Variants in FBXW2 observed in about 807,000 individuals in gnomAD.
FBXW2 encodes F-box and WD repeat domain containing 2.
In FBXW2, 12 loss-of-function variants were observed where a neutral mutation model predicts 46.0. The ratio of observed to expected loss-of-function variants is 0.26; its 90% confidence interval spans 0.17 to 0.42. The LOEUF is 0.42. Ranked by LOEUF, FBXW2 falls within the 10% of genes least tolerant of loss-of-function variation. The probability of loss-of-function intolerance (pLI) is 1.00; values close to 1 mark genes in which losing one functional copy is unlikely to be tolerated. For missense variants in FBXW2, 360 were observed against 537.0 expected (o/e 0.67, Z 3.26); for synonymous variants, 203 against 209.6 (o/e 0.97, Z 0.27).
At chr9:120,789,309 C>T (rs1490687326) in intron 2 of FBXW2, among the ~76,000 whole-genome samples, 1 of 152,160 alleles carries the variant, frequency 6.6e-6, no homozygotes, top group African/African-American at 2.4e-5. Context: ...TGTGTCTACC[C>T]GTTAGACCAT....
In FBXW2 at chr9:120,771,345, T is replaced by C. The variant is rs769333986; in HGVS notation, c.1076+3A>G. The C allele has an allele frequency of 1.3e-5, 21 of 1,607,810 alleles. No individual in the cohort carries two copies. The East Asian group carries it at 3.6e-4, about 27-fold the overall frequency. On this transcript the variant is annotated splice_donor_region_variant and intron_variant, in intron 7 of 7. Coordinates refer to ENST00000608872, the MANE Select transcript of FBXW2 (RefSeq NM_012164.4). Reference sequence around the variant, plus strand: ...TAAAGCGTGAGGTCGAAGGAAACATTACCTGAGAATATCATAACTGGCAAA... The same window carrying C: ...TAAAGCGTGAGGTCGAAGGAAACATCACCTGAGAATATCATAACTGGCAAA...
intron 3 of FBXW2, among the ~76,000 whole-genome samples, chr9:120,787,012 A>G (rs1461475357): frequency 1.3e-5 from 2 of 152,188 alleles, no homozygotes; most frequent in African/African-American, 4.8e-5. Context: ...CAAGGAAGAA[A>G]TATCTCCTTT....
At chr9:120,771,963 G>A (rs2044384431) in intron 6 of FBXW2, among the ~76,000 whole-genome samples, 1 of 149,886 alleles carries the variant, frequency 6.7e-6, no homozygotes, top group South Asian at 2.1e-4. Flanking sequence ...GGAGGCTGAA[G>A]CACGAGCATC....
intron 5 of FBXW2, among the ~76,000 whole-genome samples, chr9:120,774,391 A>G (rs559749443): frequency 2.7e-5 from 4 of 150,444 alleles, no homozygotes; most frequent in African/African-American, 4.9e-5. Flanking sequence ...ACGTGGCTGT[A>G]GTGCTAGCTA....
chr9:120,791,902 C>T (rs2044850406), intron 2 of FBXW2, among the ~76,000 whole-genome samples: 1 of 152,090 alleles, frequency 6.6e-6, no homozygotes, highest in Non-Finnish European at 1.5e-5. Flanking sequence ...CAAAGTGGGT[C>T]ATGCAACAAA....
chr9:120,774,268 T>G (rs1384864039), intron 5 of FBXW2, among the ~76,000 whole-genome samples: 1 of 140,378 alleles, frequency 7.1e-6, no homozygotes, highest in Non-Finnish European at 1.5e-5. Context: ...ACCCGGCAGA[T>G]GGATGCTGCA....
At chr9:120,774,422 G>A (rs2044448840) in intron 5 of FBXW2, among the ~76,000 whole-genome samples, 1 of 151,934 alleles carries the variant, frequency 6.6e-6, no homozygotes, top group Non-Finnish European at 1.5e-5. Context: ...TGAGGTGAGA[G>A]GATCACTTAA....
At chr9:120,780,140 A>G (rs1313137548) in intron 3 of FBXW2, among the ~76,000 whole-genome samples, 3 of 140,158 alleles carry the variant, frequency 2.1e-5, no homozygotes, top group South Asian at 2.2e-4. Context: ...CACCTCAAAG[A>G]AAAAAAAAAA....
chr9:120,786,819 T>C lies in FBXW2; in HGVS notation c.490+950A>G, dbSNP rs139190813. Among the ~76,000 whole-genome samples, 551 of 152,312 alleles carry C rather than the reference T, an allele frequency of 3.6e-3. 17 individuals are homozygous for C. The highest frequency in any genetic ancestry group is 0.031 in the Admixed American group (468 of 15,286). Reference sequence around the variant, plus strand: ...TTATCTAACACATGGGCATTAGTTATAATCATATACAGAAACACACGTCCA... The same window carrying C: ...TTATCTAACACATGGGCATTAGTTACAATCATATACAGAAACACACGTCCA... On this transcript the variant is annotated intron_variant, in intron 3 of 7. Transcript: ENST00000608872.
chr9:120,772,720 T>C (rs1370910826), intron 6 of FBXW2, 34 bp downstream of exon 6: 1 of 1,420,100 alleles, frequency 7.0e-7, no homozygotes, highest in Non-Finnish European at 9.6e-7. Flanking sequence ...CAGTTTTTCT[T>C]TAATGAAGCA....
intron 3 of FBXW2, among the ~76,000 whole-genome samples, chr9:120,781,480 TTAAC>T (rs1350076495): frequency 2.0e-5 from 3 of 152,116 alleles, no homozygotes; most frequent in Non-Finnish European, 4.4e-5. Flanking sequence ...AGGAGGTTGT[TTAAC>T]TATGACCTTA....
chr9:120,779,269 A>T (rs2044562359), intron 3 of FBXW2, among the ~76,000 whole-genome samples: 1 of 152,244 alleles, frequency 6.6e-6, no homozygotes, highest in African/African-American at 2.4e-5. Flanking sequence ...TAAGTTTAAA[A>T]TCCTAATGAT....
intron 7 of FBXW2, among the ~76,000 whole-genome samples, chr9:120,766,396 A>G (rs1376716563): frequency 6.6e-6 from 1 of 152,136 alleles, no homozygotes; most frequent in Admixed American, 6.5e-5. Context: ...GGGACATTCA[A>G]TATTTATCAA....
intron 5 of FBXW2, among the ~76,000 whole-genome samples, chr9:120,773,858 A>C (rs2044432196): frequency 6.6e-6 from 1 of 152,182 alleles, no homozygotes; most frequent in South Asian, 2.1e-4. Context: ...ATTTTCCACA[A>C]CACCAAACTG....
intron 3 of FBXW2, among the ~76,000 whole-genome samples, chr9:120,785,945 G>A (rs1447864431): frequency 6.7e-6 from 1 of 148,528 alleles, no homozygotes; most frequent in African/African-American, 2.5e-5. Flanking sequence ...CTCGAACCCT[G>A]GAGGCAGAGG....
intron 7 of FBXW2, among the ~76,000 whole-genome samples, chr9:120,769,030 T>C (rs568058798): frequency 1.3e-5 from 2 of 152,328 alleles, no homozygotes; most frequent in Non-Finnish European, 2.9e-5. Flanking sequence ...GCTTTCACTT[T>C]GATCACTTTA....
At chr9:120,781,627 T>C (rs1304731295) in intron 3 of FBXW2, among the ~76,000 whole-genome samples, 12 of 106,154 alleles carry the variant, frequency 1.1e-4, no homozygotes, top group African/African-American at 3.7e-4. Flanking sequence ...GAATATATTT[T>C]ATATACATAC....
chr9:120,773,476 G>C (rs1262026276), intron 5 of FBXW2, among the ~76,000 whole-genome samples: 1 of 152,122 alleles, frequency 6.6e-6, no homozygotes, highest in East Asian at 1.9e-4. Flanking sequence ...TTTAAAACAG[G>C]AGACAAGCAC....
intron 2 of FBXW2, 73 bp from the exon 3 acceptor site, chr9:120,788,351 T>C: frequency 7.2e-7 from 1 of 1,397,436 alleles, no homozygotes. Context: ...ACAAATGAAG[T>C]ATTAAAAATT....
Sources: gnomAD v4.1 joint callset for allele counts (sites outside exome capture counted in the v4.1 genomes callset) on GRCh38, gnomAD v4.1.1 for gene constraint, MANE v1.5 for transcripts, NCBI Gene and HGNC (gene_info 2026-07-23, HGNC 2026-07-21) for gene names.